SLC35F2: variants seen among roughly 807,000 people sequenced by gnomAD.
The protein encoded by SLC35F2 is queuine/queuosine transporter SLC35F2.
In SLC35F2, 25 loss-of-function variants were observed where a neutral mutation model predicts 38.1. The ratio of observed to expected loss-of-function variants is 0.66; its 90% CI spans 0.48 to 0.92. The LOEUF (loss-of-function observed/expected upper bound fraction) is 0.92. SLC35F2 is among the 40% of genes least tolerant of loss of function. The pLI, the probability that SLC35F2 is intolerant of heterozygous loss-of-function variation, is 0.00. For missense variants in SLC35F2, 409 were observed against 452.9 expected, an observed-to-expected ratio of 0.90 and a Z score of 0.88; for synonymous variants, 173 against 181.7, an observed-to-expected ratio of 0.95 and a Z score of 0.38.
chr11:107,845,342 C>T (rs551189871), intron 1 of SLC35F2, among the ~76,000 whole-genome samples: 3 of 152,128 alleles, frequency 2.0e-5, no homozygotes, highest in African/African-American at 7.2e-5. Context: ...CTTTGGGAGG[C>T]CAAGGCGGGC....
At chr11:107,832,671 T>C (rs1181426555) in intron 1 of SLC35F2, among the ~76,000 whole-genome samples, 4 of 152,200 alleles carry the variant, frequency 2.6e-5, no homozygotes. Flanking sequence ...CCGGGTATGA[T>C]GGCATGCACC....
intron 7 of SLC35F2, among the ~76,000 whole-genome samples, chr11:107,798,716 G>A (rs1859259254): frequency 6.6e-6 from 1 of 152,132 alleles, no homozygotes; most frequent in Non-Finnish European, 1.5e-5. Flanking sequence ...AAAAATTAGA[G>A]CCAAAGTTAT....
At chr11:107,832,770 G>C (rs897323528) in intron 1 of SLC35F2, among the ~76,000 whole-genome samples, 2 of 152,178 alleles carry the variant, frequency 1.3e-5, no homozygotes, top group African/African-American at 4.8e-5. Flanking sequence ...TCATGCCACT[G>C]CACTCCAGCC....
chr11:107,828,672 A>G (rs1354459218), intron 1 of SLC35F2, among the ~76,000 whole-genome samples: 1 of 152,212 alleles, frequency 6.6e-6, no homozygotes, highest in Non-Finnish European at 1.5e-5. Flanking sequence ...GACAAATAAA[A>G]TATCACTTTA....
chr11:107,814,208 C>T (rs1379775547), intron 2 of SLC35F2, among the ~76,000 whole-genome samples: 6 of 152,108 alleles, frequency 3.9e-5, no homozygotes, highest in African/African-American at 1.4e-4. Context: ...GGACAGGCAC[C>T]TATAATCCCC....
chr11:107,832,851 G>T (rs899669943), intron 1 of SLC35F2, among the ~76,000 whole-genome samples: 2 of 152,096 alleles, frequency 1.3e-5, no homozygotes, highest in Non-Finnish European at 2.9e-5. Flanking sequence ...AAAGTACAGG[G>T]ACTAGAAGAA....
intron 7 of SLC35F2, among the ~76,000 whole-genome samples, chr11:107,795,305 A>T (rs1565425980): frequency 6.6e-6 from 1 of 152,192 alleles, no homozygotes; most frequent in Non-Finnish European, 1.5e-5. Flanking sequence ...CTCACCATAT[A>T]AAAAAATCAA....
intron 1 of SLC35F2, among the ~76,000 whole-genome samples, chr11:107,848,437 C>T (rs949694129): frequency 6.6e-6 from 1 of 152,006 alleles, no homozygotes; most frequent in Non-Finnish European, 1.5e-5. Context: ...AAATTTAATC[C>T]CTAATGTGAT....
At chr11:107,832,794 G>A (rs996043651) in intron 1 of SLC35F2, among the ~76,000 whole-genome samples, 3 of 152,194 alleles carry the variant, frequency 2.0e-5, no homozygotes, top group African/African-American at 4.8e-5. Context: ...GTGACAGAGT[G>A]AGACCCTGTC....
chr11:107,858,531 T>C lies in SLC35F2; in HGVS notation c.110+127A>G, dbSNP rs148211331. 79 of 854,656 alleles carry C rather than the reference T, an allele frequency of 9.2e-5. 1 individual carries two copies. In the East Asian group the frequency reaches 2.6e-3, roughly 28 times the overall value. 52.9% of individuals were successfully genotyped at this position (854,656 alleles called of 1,614,324 possible). A position where few individuals can be genotyped will look rare whatever the true frequency, so the allele number is the denominator to read the frequency against. On this transcript the variant is annotated intron_variant, in intron 1 of 7. Transcript: ENST00000525815. ...GTGCGTGTTGAGCCCCGAACCGAAG[T>C]CCGTGCGGCCGCCACCTCTGCCTCC...
At chr11:107,827,814 G>A (rs956669008) in intron 1 of SLC35F2, among the ~76,000 whole-genome samples, 4 of 151,848 alleles carry the variant, frequency 2.6e-5, no homozygotes, top group African/African-American at 9.7e-5. Context: ...AGGAAGCTGA[G>A]GGAGGAGAAT....
intron 7 of SLC35F2, 147 bp downstream of exon 7, chr11:107,802,854 C>G: frequency 1.4e-6 from 1 of 734,002 alleles, no homozygotes; most frequent in Non-Finnish European, 2.2e-6. Context: ...TTTTGTAATT[C>G]AGAAGCAGCA....
At chr11:107,803,361 C>A in intron 6 of SLC35F2, 1 of 985,266 alleles carries the variant, frequency 1.0e-6, no homozygotes, top group Middle Eastern at 5.2e-4. Context: ...GATAAAGGAC[C>A]TCAAAAAATC....
intron 1 of SLC35F2, among the ~76,000 whole-genome samples, chr11:107,828,781 T>G (rs1417008663): frequency 6.6e-6 from 1 of 152,092 alleles, no homozygotes; most frequent in Non-Finnish European, 1.5e-5. Context: ...CTGCTATGAT[T>G]TGAATATCTG....
chr11:107,801,144 T>C (rs1591185367), intron 7 of SLC35F2, among the ~76,000 whole-genome samples: 1 of 152,120 alleles, frequency 6.6e-6, no homozygotes, highest in South Asian at 2.1e-4. Flanking sequence ...TGACTTCAGG[T>C]GATCCACCCT....
At chr11:107,846,553 A>C (rs1332983949) in intron 1 of SLC35F2, among the ~76,000 whole-genome samples, 1 of 152,228 alleles carries the variant, frequency 6.6e-6, no homozygotes, top group African/African-American at 2.4e-5. Context: ...TTAATCCTCA[A>C]AGAATTGCTG....
At chr11:107,833,701 C>T (rs1350178567) in intron 1 of SLC35F2, among the ~76,000 whole-genome samples, 1 of 152,088 alleles carries the variant, frequency 6.6e-6, no homozygotes, top group African/African-American at 2.4e-5. Context: ...AGAGAAAACG[C>T]CACACTCTGA....
Position 107,792,348 on chromosome 11 carries a change from C to T in SLC35F2, c.*267G>A, listed in dbSNP as rs1375461700. 2 of 315,738 alleles carry T rather than the reference C, an allele frequency of 6.3e-6. No individual in the cohort carries two copies. Among genetic ancestry groups the T allele is most frequent in the Admixed American group, 1.0e-4 (2 of 19,050 alleles). The allele number at this position is 315,738 out of a possible 1,614,324, so 19.6% of individuals were successfully genotyped here. A position where few individuals can be genotyped will look rare whatever the true frequency, so the allele number is the denominator to read the frequency against. On this transcript the variant is annotated 3_prime_UTR_variant, in exon 8 of 8. Coordinates refer to ENST00000525815, the MANE Select transcript of SLC35F2 (RefSeq NM_017515.5). ...GCTTTCCCACTGGTGCCTCTAAGAC[C>T]CCAGTGTGGAGTCTGCACCTCATCT...
Position 107,804,776 on chromosome 11 carries a change from A to G in SLC35F2, c.732-6T>C, listed in dbSNP as rs1342601616. The G allele has an allele frequency of 1.2e-6, 2 of 1,603,630 alleles. No homozygotes were observed. The highest frequency in any genetic ancestry group is 1.7e-6 in the Non-Finnish European group (2 of 1,175,952). On this transcript the variant is annotated splice_polypyrimidine_tract_variant and splice_region_variant and intron_variant, in intron 5 of 7. Coordinates refer to ENST00000525815, the MANE Select transcript of SLC35F2 (RefSeq NM_017515.5). Reference sequence around the variant, plus strand: ...CCTTATATTCCACAATCAATCTAAGATTAAAACAAGAGGTCACAGAGAGGT... The same window carrying G: ...CCTTATATTCCACAATCAATCTAAGGTTAAAACAAGAGGTCACAGAGAGGT...
Sources: gnomAD v4.1 joint callset for allele counts (sites outside exome capture counted in the v4.1 genomes callset) on GRCh38, gnomAD v4.1.1 for gene constraint, MANE v1.5 for transcripts, NCBI Gene and HGNC (gene_info 2026-07-23, HGNC 2026-07-21) for gene names.